Variants in PHIP observed in about 807,000 individuals in gnomAD.
The protein encoded by PHIP is PHIP subunit of CUL4-Ring ligase complex.
Under a neutral mutation model 236.8 loss-of-function variants are expected in PHIP, and 54 were observed. The ratio of observed to expected loss-of-function variants is 0.23; its 90% CI spans 0.18 to 0.29. The LOEUF (loss-of-function observed/expected upper bound fraction) is 0.29, where lower values mean the gene tolerates loss of function less well. Ranked by LOEUF, PHIP falls within the 10% of genes least tolerant of loss-of-function variation. The pLI is 1.00. For synonymous variants in PHIP, 756 were observed against 718.9 expected (o/e 1.05, Z -0.83); for missense variants, 1,370 against 2,190.8 (o/e 0.63, Z 7.48).
chr6:79,005,386 A>T (rs1050375660), intron 15 of PHIP, among the ~76,000 whole-genome samples: 1 of 152,016 alleles, frequency 6.6e-6, no homozygotes, highest in Non-Finnish European at 1.5e-5. Context: ...ATGAAAGACT[A>T]TAAGTACAAA....
At chr6:79,034,127 G>C (rs1771809485) in intron 7 of PHIP, among the ~76,000 whole-genome samples, 1 of 152,172 alleles carries the variant, frequency 6.6e-6, no homozygotes, top group Non-Finnish European at 1.5e-5. Context: ...GTATCGAAAT[G>C]TGAAAGAGAC....
At chr6:78,978,106 T>A (rs1299374296) in intron 24 of PHIP, among the ~76,000 whole-genome samples, 1 of 152,082 alleles carries the variant, frequency 6.6e-6, no homozygotes, top group Non-Finnish European at 1.5e-5. Context: ...GGTCTCATCC[T>A]CAGTTTCTTA....
intron 39 of PHIP, among the ~76,000 whole-genome samples, chr6:78,943,454 T>C (rs1230197712): frequency 6.6e-6 from 1 of 152,194 alleles, no homozygotes; most frequent in African/African-American, 2.4e-5. Context: ...AAGGCCAATA[T>C]ACTATTCAAA....
chr6:78,935,623 G>GT lies in PHIP; in HGVS notation c.*5069dup. The GT allele has an allele frequency of 2.0e-6, 2 of 981,874 alleles. No homozygotes were observed. Among genetic ancestry groups the GT allele is most frequent in the Non-Finnish European group, 2.4e-6 (2 of 826,730 alleles). 60.8% of individuals were successfully genotyped at this position (981,874 alleles called of 1,614,324 possible). On this transcript the variant is annotated 3_prime_UTR_variant, in exon 40 of 40. Coordinates refer to ENST00000275034, the MANE Select transcript of PHIP (RefSeq NM_017934.7). ...AATGTACACATAAAAAGGCATATAAGTTTTTGACCTTCAGTTGTTTTGGAA... is the reference window on the plus strand; with the variant it reads ...AATGTACACATAAAAAGGCATATAAGTTTTTTGACCTTCAGTTGTTTTGGAA...
chr6:78,955,036 T>C, intron 34 of PHIP, 73 bp from the exon 35 acceptor site: 1 of 1,057,512 alleles, frequency 9.5e-7, no homozygotes, highest in South Asian at 1.7e-5. Flanking sequence ...TAATGTAGTC[T>C]TAGATAATTG....
rs1773387424 is a variant in PHIP at position 78,939,439 on chromosome 6, T to C, written c.*1254A>G. 1.3e-5 allele frequency: 2 copies of C among 151,878 alleles called. No homozygotes were observed. Among genetic ancestry groups the C allele is most frequent in the Admixed American group, 1.3e-4 (2 of 15,244 alleles). 9.4% of individuals were successfully genotyped at this position (151,878 alleles called of 1,614,324 possible). A position where few individuals can be genotyped will look rare whatever the true frequency, so the allele number is the denominator to read the frequency against. ...ATTGCATAAAAAGTGATTTGGCCTA[T>C]TTTAACCTTTAATAATTGAAAATAA... is the stretch of plus-strand genomic sequence containing the variant. On this transcript the variant is annotated 3_prime_UTR_variant, in exon 40 of 40. Coordinates refer to ENST00000275034, the MANE Select transcript of PHIP (RefSeq NM_017934.7).
At chr6:78,948,699 G>A (rs932209728) in intron 35 of PHIP, among the ~76,000 whole-genome samples, 1 of 152,084 alleles carries the variant, frequency 6.6e-6, no homozygotes, top group African/African-American at 2.4e-5. Flanking sequence ...TTAGCATGTT[G>A]CTGAGACTGG....
intron 32 of PHIP, chr6:78,956,249 G>T (rs1244720145): frequency 1.3e-5 from 2 of 151,952 alleles, no homozygotes; most frequent in East Asian, 3.9e-4. Flanking sequence ...ACAGTAATGG[G>T]AATCTTGGTT....
chr6:79,072,545 G>A (rs1038197222), intron 4 of PHIP, among the ~76,000 whole-genome samples: 22 of 151,928 alleles, frequency 1.4e-4, no homozygotes, highest in African/African-American at 5.3e-4. Context: ...GCAGTGGCAT[G>A]GGGCACAGCT....
At chr6:79,015,304 C>T in intron 14 of PHIP, 88 bp from the exon 15 acceptor site, 1 of 1,080,380 alleles carries the variant, frequency 9.3e-7, no homozygotes, top group Admixed American at 2.2e-5. Flanking sequence ...GGCACTATTT[C>T]TAGAAATGGA....
At chr6:78,944,368 C>T (rs1043570201) in intron 39 of PHIP, among the ~76,000 whole-genome samples, 6 of 152,116 alleles carry the variant, frequency 3.9e-5, no homozygotes, top group African/African-American at 9.7e-5. Context: ...ATAAAAAGAT[C>T]GCTTTGGCTG....
intron 9 of PHIP, among the ~76,000 whole-genome samples, chr6:79,021,070 T>C (rs1482423985): frequency 6.6e-6 from 1 of 152,218 alleles, no homozygotes; most frequent in African/African-American, 2.4e-5. Context: ...TCATTGCTAA[T>C]GTTACTTATT....
chr6:79,070,532 C>T (rs2127779726), intron 4 of PHIP, among the ~76,000 whole-genome samples: 1 of 152,318 alleles, frequency 6.6e-6, no homozygotes, highest in East Asian at 1.9e-4. Flanking sequence ...GTATTTCTTG[C>T]ATTATACTAT....
chr6:78,965,789 T>C (rs566431944), intron 28 of PHIP, 25 bp from the exon 29 acceptor site: 1 of 1,360,966 alleles, frequency 7.3e-7, no homozygotes, highest in African/African-American at 1.4e-5. Flanking sequence ...AATCATTATA[T>C]TAAAAAATCT....
intron 7 of PHIP, among the ~76,000 whole-genome samples, chr6:79,030,134 C>A (rs1250992134): frequency 6.6e-6 from 1 of 151,938 alleles, no homozygotes; most frequent in Non-Finnish European, 1.5e-5. Context: ...GATCATGTAA[C>A]CTCAGCAAAA....
chr6:79,054,498 A>T (rs1414060977), intron 6 of PHIP, among the ~76,000 whole-genome samples: 7 of 151,740 alleles, frequency 4.6e-5, no homozygotes, highest in Non-Finnish European at 8.8e-5. Context: ...ACTAGGAATA[A>T]AGTATGGATT....
chr6:78,967,093 T>G (rs576174363), intron 27 of PHIP, among the ~76,000 whole-genome samples: 4 of 152,228 alleles, frequency 2.6e-5, no homozygotes, highest in Admixed American at 2.0e-4. Flanking sequence ...AAGAGAAAAG[T>G]AGTTATGTTC....
chr6:78,986,741 T>C (rs932746398), intron 21 of PHIP, among the ~76,000 whole-genome samples: 1 of 152,224 alleles, frequency 6.6e-6, no homozygotes, highest in Non-Finnish European at 1.5e-5. Context: ...CCCATTTTGA[T>C]GTTTTAATGA....
At chr6:79,050,412 A>AT (rs1196038445) in intron 6 of PHIP, among the ~76,000 whole-genome samples, 2 of 152,182 alleles carry the variant, frequency 1.3e-5, no homozygotes, top group Admixed American at 1.3e-4. Context: ...ATAAAATGTA[A>AT]TTTACTAGAG....
Sources: allele counts gnomAD v4.1 joint callset (sites outside exome capture counted in the v4.1 genomes callset), GRCh38; gene constraint gnomAD v4.1.1; transcripts MANE v1.5; gene names NCBI Gene and HGNC (gene_info 2026-07-23, HGNC 2026-07-21).